The following CRACR2A variants were observed in gnomAD, a reference collection of about 807,000 sequenced individuals.
CRACR2A encodes the protein EF-hand calcium-binding domain-containing protein 4B.
Under a neutral mutation model 90.5 loss-of-function variants are expected in CRACR2A, and 79 were observed. The observed-to-expected ratio is 0.87, with a 90% confidence interval of 0.73 to 1.05. CRACR2A has a LOEUF of 1.05. CRACR2A is among the 50% of genes least tolerant of loss of function. CRACR2A has a pLI of 0.00. For missense variants in CRACR2A, 823 were observed against 897.2 expected (o/e 0.92, Z 1.06); for synonymous variants, 338 against 356.7 (o/e 0.95, Z 0.59).
intron 7 of CRACR2A, among the ~76,000 whole-genome samples, chr12:3,663,283 C>A (rs1479152813): frequency 6.6e-6 from 1 of 151,938 alleles, no homozygotes; most frequent in Admixed American, 6.6e-5. Context: ...TAAAGAACTT[C>A]AGATTTGGAA....
rs563889267 is a variant in CRACR2A at position 3,627,441 on chromosome 12, C to T, written c.1927G>A (p.Val643Met). The T allele has an allele frequency of 8.1e-5, 125 of 1,551,732 alleles. No individual in the cohort carries two copies. In the East Asian group the frequency reaches 1.4e-3, roughly 18 times the overall value. ...TAGGAAGGTCGCCAGCTCACCTCCA[C>T]GCTGCTCAGCCACCGCCGGACCGAC... ...FLSVRRWLSS[V>M]EEAVGDRVPV... Residue 643 changes from valine (V) to methionine (M), a missense_variant, in exon 17 of 20, where the codon GTG (valine) becomes ATG (methionine). Physicochemically the swap from Val to Met is conservative, Grantham distance 21 (BLOSUM62 1). Coordinates refer to ENST00000440314, the MANE Select transcript of CRACR2A (RefSeq NM_001144958.2).
At chr12:3,632,709 G>A (rs550332888) in intron 15 of CRACR2A, among the ~76,000 whole-genome samples, 20 of 152,304 alleles carry the variant, frequency 1.3e-4, no homozygotes, top group African/African-American at 4.3e-4. Context: ...CTGATCTGTC[G>A]ACTGTGCTGA....
At chr12:3,628,489 C>A (rs902780549) in intron 15 of CRACR2A, among the ~76,000 whole-genome samples, 1 of 152,152 alleles carries the variant, frequency 6.6e-6, no homozygotes, top group African/African-American at 2.4e-5. Context: ...TACCACTGGG[C>A]TGTTCACAAC....
intron 7 of CRACR2A, among the ~76,000 whole-genome samples, chr12:3,660,937 C>T (rs1945022377): frequency 6.6e-6 from 1 of 151,006 alleles, no homozygotes; most frequent in Non-Finnish European, 1.5e-5. Context: ...CCCACTGTGC[C>T]CTTTATTTAA....
chr12:3,678,231 G>A (rs1299233378), intron 6 of CRACR2A, among the ~76,000 whole-genome samples: 1 of 152,122 alleles, frequency 6.6e-6, no homozygotes, highest in Non-Finnish European at 1.5e-5. Context: ...CAATGTCAGG[G>A]CTTAGATCCC....
intron 15 of CRACR2A, among the ~76,000 whole-genome samples, chr12:3,628,418 G>C (rs1038570526): frequency 2.6e-5 from 4 of 152,116 alleles, no homozygotes; most frequent in African/African-American, 9.7e-5. Flanking sequence ...CAGAACAGAA[G>C]GGGTAAGAGA....
intron 17 of CRACR2A, among the ~76,000 whole-genome samples, chr12:3,623,984 G>A (rs61907750): frequency 3.9e-5 from 6 of 152,156 alleles, no homozygotes; most frequent in Admixed American, 1.3e-4. Flanking sequence ...AGAAATTTAG[G>A]GGCCAGGAGG....
chr12:3,620,718 T>C (rs1366746513), intron 17 of CRACR2A, among the ~76,000 whole-genome samples: 1 of 152,230 alleles, frequency 6.6e-6, no homozygotes, highest in Non-Finnish European at 1.5e-5. Context: ...CTACTTAGTA[T>C]CTTATTAACT....
At chr12:3,723,468 G>A (rs1313275926) in intron 2 of CRACR2A, among the ~76,000 whole-genome samples, 3 of 152,130 alleles carry the variant, frequency 2.0e-5, no homozygotes, top group African/African-American at 7.2e-5. Context: ...GAAACTGTGT[G>A]TGTTTGCATT....
intron 7 of CRACR2A, among the ~76,000 whole-genome samples, chr12:3,659,907 C>G (rs1944996987): frequency 6.6e-6 from 1 of 152,226 alleles, no homozygotes. Flanking sequence ...CTTCTGTCCC[C>G]CAGCCATCAC....
intron 10 of CRACR2A, among the ~76,000 whole-genome samples, chr12:3,651,250 A>T (rs10848902): frequency 0.32 from 49,391 of 152,170 alleles, 9,158 homozygotes; most frequent in Admixed American, 0.46. Flanking sequence ...TATGCTACTG[A>T]TTTATAAAGG....
intron 11 of CRACR2A, among the ~76,000 whole-genome samples, chr12:3,647,549 A>G (rs1944711301): frequency 6.6e-6 from 1 of 152,162 alleles, no homozygotes; most frequent in Non-Finnish European, 1.5e-5. Context: ...TCTTCCTAAG[A>G]ATCAAGACCT....
chr12:3,622,306 TC>T (rs1268139305), intron 17 of CRACR2A, among the ~76,000 whole-genome samples: 4 of 152,160 alleles, frequency 2.6e-5, no homozygotes, highest in African/African-American at 9.7e-5. Context: ...AGGCACACAA[TC>T]TCTCTTTAGG....
chr12:3,685,263 A>C (rs2137642315), intron 4 of CRACR2A, among the ~76,000 whole-genome samples: 1 of 152,372 alleles, frequency 6.6e-6, no homozygotes, highest in South Asian at 2.1e-4. Flanking sequence ...AAGACAGGAC[A>C]GACAACTTGC....
chr12:3,710,608 C>A (rs1288209816), intron 3 of CRACR2A, among the ~76,000 whole-genome samples: 91 of 152,142 alleles, frequency 6.0e-4, no homozygotes, highest in Non-Finnish European at 1.2e-4. Context: ...TCCTGGCCAA[C>A]ATGGTGAAAC....
At position 3,719,556 on chromosome 12, in the gene CRACR2A, G is replaced by T. The variant is rs544829690; in HGVS notation, c.-117-6239C>A. ...AATGATTTGTTTAAGGGTTCTCTTTGATTTAACTTGGTTTTAGATGCTTTT... is the reference window on the plus strand; with the variant it reads ...AATGATTTGTTTAAGGGTTCTCTTTTATTTAACTTGGTTTTAGATGCTTTT... On this transcript the variant is annotated intron_variant, in intron 2 of 19. Transcript: ENST00000440314. Among the ~76,000 whole-genome samples the T allele has an allele frequency of 1.6e-3, 251 of 152,262 alleles. 4 individuals carry two copies. The highest frequency in any genetic ancestry group is 0.011 in the Admixed American group (161 of 15,300).
intron 19 of CRACR2A, 106 bp downstream of exon 19, chr12:3,616,848 A>T: frequency 1.2e-6 from 1 of 847,908 alleles, no homozygotes; most frequent in Non-Finnish European, 1.9e-6. Flanking sequence ...ATAGGGAGGA[A>T]GGGGGGTCAG....
intron 10 of CRACR2A, among the ~76,000 whole-genome samples, chr12:3,649,951 T>G (rs561193388): frequency 6.6e-6 from 1 of 152,216 alleles, no homozygotes; most frequent in East Asian, 1.9e-4. Context: ...AATAAGCACT[T>G]AGGTGATAAT....
Position 3,633,659 on chromosome 12 carries a change from G to A in CRACR2A, c.1680C>T (p.Ser560=), listed in dbSNP as rs1240639370. ...FVGNSAVGKT[S]FLRRFCEDRF... ...GGTCCTCACAGAATCTCCTCAGGAA[G>A]GATGTCTTCCCCACCGCGGAATTGC... Residue 560 remains serine (S), a synonymous_variant, in exon 15 of 20, where the codon TCC becomes TCT. Coordinates refer to ENST00000440314, the MANE Select transcript of CRACR2A (RefSeq NM_001144958.2). The surrounding 1 kb of genome is among the most constrained non-coding windows in gnomAD (Gnocchi z 4.5). 1.3e-6 allele frequency: 2 copies of A among 1,551,636 alleles called. No homozygotes were observed. The highest frequency in any genetic ancestry group is 2.7e-5 in the African/African-American group (2 of 73,064).
Sources: allele counts gnomAD v4.1 joint callset (sites outside exome capture counted in the v4.1 genomes callset), GRCh38; gene constraint gnomAD v4.1.1; non-coding constraint Gnocchi (gnomAD v3.1); transcripts MANE v1.5; gene names NCBI Gene and HGNC (gene_info 2026-07-23, HGNC 2026-07-21).